Variants in CLCN1 observed in about 807,000 individuals in gnomAD.
CLCN1 encodes the protein chloride channel protein 1.
Under a neutral mutation model 114.5 loss-of-function variants are expected in CLCN1, and 100 were observed. That is an observed-to-expected ratio of 0.87 (90% CI 0.74 to 1.03). The LOEUF is 1.03. CLCN1 is among the 50% of genes least tolerant of loss of function. CLCN1 has a pLI of 0.00. For synonymous variants in CLCN1, 485 were observed against 487.1 expected (o/e 1.00, Z 0.06); for missense variants, 1,188 against 1,250.0 (o/e 0.95, Z 0.75).
chr7:143,320,551 TTTTCTCTC>T, intron 2 of CLCN1, 105 bp from the exon 3 acceptor site: 1 of 864,934 alleles, frequency 1.2e-6, no homozygotes. Flanking sequence ...CGTTAGCTGC[TTTTCTCTC>T]TCTCTCTCTC....
chr7:143,330,322 A>G (rs1802689130), intron 7 of CLCN1, among the ~76,000 whole-genome samples: 1 of 152,136 alleles, frequency 6.6e-6, no homozygotes, highest in African/African-American at 2.4e-5. Context: ...GAGGGTGTTA[A>G]GGAGAGTCCC....
intron 16 of CLCN1, 48 bp from the exon 17 acceptor site, chr7:143,345,473 C>A (rs1360930099): frequency 6.7e-7 from 1 of 1,483,046 alleles, no homozygotes. Flanking sequence ...CGCGGTGGTG[C>A]GAGAGGGCTT....
chr7:143,325,794 C>T (rs951752997), intron 7 of CLCN1, among the ~76,000 whole-genome samples: 5 of 152,066 alleles, frequency 3.3e-5, no homozygotes, highest in Non-Finnish European at 5.9e-5. Flanking sequence ...CTTCTTGGTC[C>T]TGTGTCAAGT....
chr7:143,342,299 G>A, intron 15 of CLCN1, 73 bp from the exon 16 acceptor site: 1 of 1,584,044 alleles, frequency 6.3e-7, no homozygotes. Context: ...TGAAAGTATG[G>A]CAAATCTTAT....
At position 143,339,353 on chromosome 7, in the gene CLCN1, C is replaced by A; in HGVS notation, c.1471+31C>A. 1 of 1,540,746 alleles carries A rather than the reference C, an allele frequency of 6.5e-7. No homozygotes were observed. Among genetic ancestry groups the A allele is most frequent in the Non-Finnish European group, 9.0e-7 (1 of 1,113,150 alleles). On this transcript the variant is annotated intron_variant, in intron 13 of 22. Coordinates refer to ENST00000343257, the MANE Select transcript of CLCN1 (RefSeq NM_000083.3). The surrounding 1 kb of genome is among the most constrained non-coding windows in gnomAD (Gnocchi z 4.1). ...TTCTGATGGGAAGCCTGGGGTCTGA[C>A]TGAGAGTTGCAATCTAGGATACAGG...
In CLCN1 at chr7:143,331,856, T is replaced by C. The variant is rs55910546; in HGVS notation, c.1166+204T>C. The stretch of plus-strand genomic sequence containing the variant: ...TTTGTTTTTGTTTTTTGAGACAGAG[T>C]CTCACTCCATCACCCAGGCTGGAGT... On this transcript the variant is annotated intron_variant, in intron 10 of 22. Transcript: ENST00000343257. Among the ~76,000 whole-genome samples the C allele has an allele frequency of 0.029, 4,370 of 152,198 alleles. 202 individuals carry two copies. The highest frequency in any genetic ancestry group is 0.095 in the African/African-American group (3,926 of 41,484).
At chr7:143,330,749 A>G (rs747609097) in intron 7 of CLCN1, 23 bp from the exon 8 acceptor site, 17 of 1,613,638 alleles carry the variant, frequency 1.1e-5, no homozygotes, top group Middle Eastern at 1.7e-4. Flanking sequence ...GCTGCCCCCA[A>G]CCACACTTCT....
chr7:143,331,602 C>T lies in CLCN1; in HGVS notation c.1116C>T (p.Val372=). 2 of 1,614,166 alleles carry T rather than the reference C, an allele frequency of 1.2e-6. No individual in the cohort carries two copies. The highest frequency in any genetic ancestry group is 1.7e-6 in the Non-Finnish European group (2 of 1,180,008). ...GAVFVYLHRQ[V]MLGVRKHKAL... is the part of the protein sequence containing the mutation. ...TATTTGTGTATCTGCATCGCCAAGT[C>T]ATGCTCGGTGTCCGAAAGCACAAGG... The change falls in exon 10 of 23, where the codon GTC becomes GTT. Residue 372 remains valine, a synonymous_variant. Coordinates refer to ENST00000343257, the MANE Select transcript of CLCN1 (RefSeq NM_000083.3).
Position 143,350,968 on chromosome 7 carries a change from G to A in CLCN1, c.2595+314G>A, listed in dbSNP as rs1231402460. ...ATTTTTTGTATTTTTAGTAGAGACG[G>A]GGTTTTGCCATGTTGGGCAGGCTAG... On this transcript the variant is annotated intron_variant, in intron 22 of 22. Coordinates refer to ENST00000343257, the MANE Select transcript of CLCN1 (RefSeq NM_000083.3). This position sits in a 1 kb window ranked among gnomAD's most constrained non-coding sequence, Gnocchi z 5.1. 1.3e-5 allele frequency among the ~76,000 whole-genome samples: 2 copies of A among 152,094 alleles called. No homozygotes were observed. The highest frequency in any genetic ancestry group is 4.8e-5 in the African/African-American group (2 of 41,414).
intron 16 of CLCN1, among the ~76,000 whole-genome samples, chr7:143,345,192 C>A (rs1803194043): frequency 6.6e-6 from 1 of 152,186 alleles, no homozygotes; most frequent in Non-Finnish European, 1.5e-5. Flanking sequence ...AATGGCTTCT[C>A]ATGTTTCTTT....
chr7:143,351,869 G>A lies in CLCN1; in HGVS notation c.2871G>A (p.Val957=), dbSNP rs1413611627. Residue 957 remains valine, a synonymous_variant, in exon 23 of 23, where the codon GTG becomes GTA. Transcript: ENST00000343257. ...VEGELEELEL[V]ESPGLEEELA... ...GCGAGTTGGAGGAGCTGGAGCTGGT[G>A]GAGAGTCCAGGGCTGGAAGAGGAGC... 6.2e-7 allele frequency: 1 copy of A among 1,613,934 alleles called. No individual in the cohort carries two copies.
chr7:143,326,115 C>A (rs1421152381), intron 7 of CLCN1, among the ~76,000 whole-genome samples: 1 of 152,026 alleles, frequency 6.6e-6, no homozygotes, highest in Non-Finnish European at 1.5e-5. Context: ...CTCCTGGGTT[C>A]AAGCAATTCT....
intron 22 of CLCN1, 50 bp from the exon 23 acceptor site, chr7:143,351,544 T>C (rs1210144242): frequency 6.2e-7 from 1 of 1,601,944 alleles, no homozygotes; most frequent in Admixed American, 1.7e-5. Context: ...CCCCCGTCTT[T>C]TTTCTTTTTC....
intron 10 of CLCN1, 106 bp from the exon 11 acceptor site, chr7:143,332,313 A>G (rs1563079647): frequency 2.3e-6 from 2 of 887,874 alleles, no homozygotes; most frequent in Non-Finnish European, 3.9e-6. Flanking sequence ...TCATTTAAAG[A>G]AATGAGACTA....
chr7:143,332,491 C>T lies in CLCN1; in HGVS notation c.1239C>T (p.Phe413=), dbSNP rs752532395. The T allele has an allele frequency of 6.2e-7, 1 of 1,613,562 alleles. No individual in the cohort carries two copies. Among genetic ancestry groups the T allele is most frequent in the Admixed American group, 1.7e-5 (1 of 59,998 alleles). ...SFTFPPGMGQ[F]MAGELMPREA... is the part of the protein sequence containing the mutation. ...CCTTCCCACCAGGAATGGGTCAATT[C>T]ATGGCTGGAGAGGTCAGCTGTTGGT... Residue 413 remains phenylalanine, a synonymous_variant, in exon 11 of 23, where the codon TTC becomes TTT. Coordinates refer to ENST00000343257, the MANE Select transcript of CLCN1 (RefSeq NM_000083.3).
chr7:143,317,773 G>A (rs1394083528), intron 1 of CLCN1, among the ~76,000 whole-genome samples: 1 of 152,094 alleles, frequency 6.6e-6, no homozygotes, highest in East Asian at 1.9e-4. Flanking sequence ...GGTCAGTGTA[G>A]GCTGGAATCG....
chr7:143,331,799 T>C (rs1481900152), intron 10 of CLCN1, 147 bp downstream of exon 10: 1 of 691,334 alleles, frequency 1.4e-6, no homozygotes, highest in African/African-American at 1.8e-5. Context: ...GGTTAGGGGG[T>C]GAATTGTGTG....
At chr7:143,348,882 A>G (rs1379410750) in intron 20 of CLCN1, among the ~76,000 whole-genome samples, 12 of 152,216 alleles carry the variant, frequency 7.9e-5, no homozygotes. Flanking sequence ...ACAGCAGTCA[A>G]GGTTAGAAGC....
At chr7:143,320,565 CTCT>C in intron 2 of CLCN1, 96 bp from the exon 3 acceptor site, 1 of 731,688 alleles carries the variant, frequency 1.4e-6, no homozygotes, top group Non-Finnish European at 2.2e-6. Flanking sequence ...CTCTCTCTCT[CTCT>C]CTCTCTCTCT....
Sources: allele counts gnomAD v4.1 joint callset (sites outside exome capture counted in the v4.1 genomes callset), GRCh38; gene constraint gnomAD v4.1.1; non-coding constraint Gnocchi (gnomAD v3.1); transcripts MANE v1.5; gene names NCBI Gene and HGNC (gene_info 2026-07-23, HGNC 2026-07-21).